The following DNTT variants were observed in gnomAD, a reference collection of about 807,000 sequenced individuals.
DNTT encodes DNA nucleotidylexotransferase, also known as nucleosidetriphosphate:DNA deoxynucleotidylexotransferase.
A neutral mutation model predicts 60.9 loss-of-function variants in DNTT; 47 were observed. The observed-to-expected ratio is 0.77, with a 90% CI of 0.61 to 0.98. The LOEUF is 0.98. DNTT is among the 50% of genes least tolerant of loss of function. DNTT has a pLI of 0.00. For missense variants in DNTT, 665 were observed against 627.5 expected, an observed-to-expected ratio of 1.06 and a Z score of -0.64; for synonymous variants, 224 against 221.2, an observed-to-expected ratio of 1.01 and a Z score of -0.11.
chr10:96,331,138 C>T (rs1356821104), intron 8 of DNTT, among the ~76,000 whole-genome samples: 1 of 152,100 alleles, frequency 6.6e-6, no homozygotes, highest in Non-Finnish European at 1.5e-5. Flanking sequence ...TTAACTTTAT[C>T]CCACTTTCTC....
intron 6 of DNTT, among the ~76,000 whole-genome samples, chr10:96,324,788 C>T (rs1004037484): frequency 2.6e-5 from 4 of 152,186 alleles, no homozygotes; most frequent in Non-Finnish European, 5.9e-5. Context: ...ACATTGGGTC[C>T]TGGCTGTCTC....
chr10:96,321,086 T>A (rs946359532), intron 4 of DNTT, among the ~76,000 whole-genome samples: 6 of 152,100 alleles, frequency 3.9e-5, no homozygotes, highest in Non-Finnish European at 5.9e-5. Flanking sequence ...GAGTTACCGA[T>A]AGTGAATCCG....
chr10:96,326,474 G>A (rs867168181), intron 6 of DNTT, among the ~76,000 whole-genome samples: 1 of 152,248 alleles, frequency 6.6e-6, no homozygotes, highest in Non-Finnish European at 1.5e-5. Flanking sequence ...GTCCCCATTA[G>A]AGATAACATG....
At chr10:96,332,643 C>T (rs369763563) in intron 9 of DNTT, 47 bp downstream of exon 9, 80 of 1,595,586 alleles carry the variant, frequency 5.0e-5, no homozygotes, top group Admixed American at 2.9e-4. Flanking sequence ...TTCTGAAAGA[C>T]GTAGGCCGAG....
At chr10:96,326,796 A>G (rs945794658) in intron 6 of DNTT, among the ~76,000 whole-genome samples, 1 of 152,192 alleles carries the variant, frequency 6.6e-6, no homozygotes, top group Non-Finnish European at 1.5e-5. Context: ...GATGTCCCTC[A>G]GGCTCTATGG....
chr10:96,334,041 T>C (rs1334848568), intron 9 of DNTT, among the ~76,000 whole-genome samples: 1 of 152,252 alleles, frequency 6.6e-6, no homozygotes, highest in Non-Finnish European at 1.5e-5. Context: ...GATTTTATCA[T>C]TCTGCAATGT....
At chr10:96,311,049 G>A (rs1484373344) in intron 1 of DNTT, among the ~76,000 whole-genome samples, 2 of 152,130 alleles carry the variant, frequency 1.3e-5, no homozygotes, top group East Asian at 1.9e-4. Context: ...AGGCAAGATC[G>A]TCTCAGTCAT....
intron 6 of DNTT, among the ~76,000 whole-genome samples, chr10:96,325,677 C>A (rs1051926677): frequency 8.5e-5 from 13 of 152,152 alleles, no homozygotes; most frequent in Admixed American, 7.9e-4. Context: ...TTAATGCTAC[C>A]AGTTCTATGC....
At chr10:96,308,816 A>C (rs1205162285) in intron 1 of DNTT, among the ~76,000 whole-genome samples, 1 of 152,206 alleles carries the variant, frequency 6.6e-6, no homozygotes, top group Admixed American at 6.5e-5. Flanking sequence ...GGTGGGGAGA[A>C]TTACAAAGAA....
intron 3 of DNTT, 139 bp from the exon 4 acceptor site, chr10:96,320,479 T>C (rs760460348): frequency 2.6e-5 from 23 of 899,814 alleles, no homozygotes; most frequent in Non-Finnish European, 3.9e-5. Context: ...TACAAGGGTA[T>C]GGGAGACCCC....
intron 6 of DNTT, among the ~76,000 whole-genome samples, chr10:96,326,507 G>A (rs1373462277): frequency 3.9e-5 from 6 of 152,132 alleles, no homozygotes; most frequent in Non-Finnish European, 5.9e-5. Flanking sequence ...GGGTGTGCAA[G>A]CCAAATGGCC....
At position 96,329,343 on chromosome 10, in the gene DNTT, C is replaced by T. The variant is rs150557157; in HGVS notation, c.1113+513C>T. Among the ~76,000 whole-genome samples, 1,189 of 152,348 alleles carry T rather than the reference C, an allele frequency of 7.8e-3. 6 individuals carry two copies. Among genetic ancestry groups the T allele is most frequent in the Non-Finnish European group, 0.012 (843 of 68,032 alleles). On this transcript the variant is annotated intron_variant, in intron 8 of 10. Transcript: ENST00000371174. ...ATGGCTCAGAAGCCCCCATACATTGCAGAGATCAGACTTGTGACAGGCCTA... is the reference window on the plus strand; with the variant it reads ...ATGGCTCAGAAGCCCCCATACATTGTAGAGATCAGACTTGTGACAGGCCTA...
chr10:96,313,288 AT>A (rs1844743241), intron 1 of DNTT, among the ~76,000 whole-genome samples: 1 of 152,082 alleles, frequency 6.6e-6, no homozygotes, highest in African/African-American at 2.4e-5. Context: ...GTCACCTTTT[AT>A]TATAAGAAGG....
intron 1 of DNTT, among the ~76,000 whole-genome samples, chr10:96,310,496 C>T (rs983778667): frequency 6.6e-6 from 1 of 152,206 alleles, no homozygotes; most frequent in African/African-American, 2.4e-5. Flanking sequence ...GTTTTTCTTG[C>T]TCTTTCCCTA....
intron 3 of DNTT, among the ~76,000 whole-genome samples, chr10:96,319,848 T>C (rs911885102): frequency 6.6e-6 from 1 of 152,364 alleles, no homozygotes; most frequent in Non-Finnish European, 1.5e-5. Flanking sequence ...TTTCTCTCTC[T>C]GAGCCTGTCT....
chr10:96,321,924 C>T (rs1481277013), intron 4 of DNTT, among the ~76,000 whole-genome samples: 1 of 152,158 alleles, frequency 6.6e-6, no homozygotes, highest in Non-Finnish European at 1.5e-5. Context: ...AAGCAGAACT[C>T]TCCCATACTG....
At position 96,337,636 on chromosome 10, in the gene DNTT, A is replaced by G. The variant is rs139085976; in HGVS notation, c.1444-502A>G. On this transcript the variant is annotated intron_variant, in intron 10 of 10. Coordinates refer to ENST00000371174, the MANE Select transcript of DNTT (RefSeq NM_004088.4). The stretch of plus-strand genomic sequence containing the variant: ...CTGCTTGGTCTTAAAGAGATCACAG[A>G]GTGGGATCCTGCTGGGGTTAGAGGC... 8.7e-3 allele frequency among the ~76,000 whole-genome samples: 1,324 copies of G among 152,350 alleles called. 12 individuals carry two copies. Among genetic ancestry groups the G allele is most frequent in the Middle Eastern group, 0.024 (7 of 294 alleles).
In DNTT at chr10:96,324,432, C is replaced by A. The variant is rs572800026; in HGVS notation, c.874+43C>A. On this transcript the variant is annotated intron_variant, in intron 6 of 10. Coordinates refer to ENST00000371174, the MANE Select transcript of DNTT (RefSeq NM_004088.4). Reference sequence around the variant, plus strand: ...AAAGTCATTGTTGCTATGGGCTGGTCGGGTCGTGGTGGAGCTCTAAGTCAG... The same window carrying A: ...AAAGTCATTGTTGCTATGGGCTGGTAGGGTCGTGGTGGAGCTCTAAGTCAG... 4.4e-6 allele frequency: 7 copies of A among 1,608,840 alleles called. No individual in the cohort carries two copies. In the South Asian group the frequency reaches 7.7e-5, roughly 18 times the overall value.
chr10:96,336,347 T>C (rs949028997), intron 10 of DNTT, among the ~76,000 whole-genome samples: 8 of 152,156 alleles, frequency 5.3e-5, no homozygotes, highest in African/African-American at 1.9e-4. Flanking sequence ...CAGGGGGCAG[T>C]GGCATTTTGA....
Sources: allele counts gnomAD v4.1 joint callset (sites outside exome capture counted in the v4.1 genomes callset), GRCh38; gene constraint gnomAD v4.1.1; transcripts MANE v1.5; gene names NCBI Gene and HGNC (gene_info 2026-07-23, HGNC 2026-07-21).